Variants in GALNT13 observed in about 807,000 individuals in gnomAD.
GALNT13 encodes polypeptide N-acetylgalactosaminyltransferase 13.
A neutral mutation model predicts 64.2 loss-of-function variants in GALNT13; 28 were observed. The ratio of observed to expected loss-of-function variants is 0.44; its 90% confidence interval spans 0.32 to 0.60. The LOEUF (loss-of-function observed/expected upper bound fraction) is 0.60. GALNT13 is among the 20% of genes least tolerant of loss of function. The pLI is 0.05. For missense variants in GALNT13, 577 were observed against 669.8 expected, an observed-to-expected ratio of 0.86 and a Z score of 1.53; for synonymous variants, 214 against 224.6, an observed-to-expected ratio of 0.95 and a Z score of 0.42.
the GALNT13 span, among the ~76,000 whole-genome samples, chr2:153,463,061 C>G: frequency 6.6e-6 from 1 of 152,098 alleles, no homozygotes; most frequent in Non-Finnish European, 1.5e-5. Flanking sequence ...TAGCCTCACC[C>G]TCTTCACTTC....
At chr2:154,252,993 A>C (rs572906877) in intron 7 of GALNT13, among the ~76,000 whole-genome samples, 1 of 152,214 alleles carries the variant, frequency 6.6e-6, no homozygotes, top group Non-Finnish European at 1.5e-5. Context: ...GAAAACAATA[A>C]AAATGAAGCA....
chr2:153,817,247 A>C, the GALNT13 span, among the ~76,000 whole-genome samples: 1 of 152,222 alleles, frequency 6.6e-6, no homozygotes, highest in Non-Finnish European at 1.5e-5. Flanking sequence ...CCAAGTTCAG[A>C]GGTGGGTTTA....
At chr2:154,408,755 C>T (rs1270096327) in intron 10 of GALNT13, among the ~76,000 whole-genome samples, 1 of 151,922 alleles carries the variant, frequency 6.6e-6, no homozygotes, top group Non-Finnish European at 1.5e-5. Context: ...TGATTAGATG[C>T]CAATGCCAAT....
the GALNT13 span, among the ~76,000 whole-genome samples, chr2:153,577,293 A>G: frequency 1.2e-4 from 18 of 152,200 alleles, no homozygotes; most frequent in Non-Finnish European, 4.4e-5. Context: ...ACAGTTTGCT[A>G]ACAGTCTAAA....
chr2:153,674,645 G>C, the GALNT13 span, among the ~76,000 whole-genome samples: 1 of 152,120 alleles, frequency 6.6e-6, no homozygotes, highest in Non-Finnish European at 1.5e-5. Flanking sequence ...CATAGGCAAA[G>C]ACTTCATGAC....
chr2:153,710,629 C>G, the GALNT13 span, among the ~76,000 whole-genome samples: 1 of 152,022 alleles, frequency 6.6e-6, no homozygotes, highest in Non-Finnish European at 1.5e-5. Context: ...TAGAATATAG[C>G]TCCTAGAGAG....
chr2:153,641,178 T>A, the GALNT13 span, among the ~76,000 whole-genome samples: 1 of 152,146 alleles, frequency 6.6e-6, no homozygotes, highest in Non-Finnish European at 1.5e-5. Flanking sequence ...CTCTCCTTAA[T>A]TCTATGAGTT....
chr2:153,823,202 G>A, the GALNT13 span, among the ~76,000 whole-genome samples: 2 of 152,018 alleles, frequency 1.3e-5, no homozygotes, highest in Admixed American at 1.3e-4. Context: ...ATATTGCCCA[G>A]GACAATATAC....
chr2:154,399,153 G>A (rs1052566803), intron 10 of GALNT13, among the ~76,000 whole-genome samples: 2 of 152,092 alleles, frequency 1.3e-5, no homozygotes, highest in Non-Finnish European at 2.9e-5. Context: ...TGTGTTGGCA[G>A]GTGCCCATGG....
At chr2:153,176,404 T>G in the GALNT13 span, among the ~76,000 whole-genome samples, 2 of 152,108 alleles carry the variant, frequency 1.3e-5, no homozygotes, top group Non-Finnish European at 2.9e-5. Flanking sequence ...TCTGTTACAG[T>G]TACTAGAAGC....
At chr2:153,915,817 A>G (rs539025426) in intron 2 of GALNT13, among the ~76,000 whole-genome samples, 32 of 152,286 alleles carry the variant, frequency 2.1e-4, no homozygotes, top group African/African-American at 7.0e-4. Flanking sequence ...AAAAAAATGC[A>G]ATGACAAATG....
the GALNT13 span, among the ~76,000 whole-genome samples, chr2:153,541,234 G>T: frequency 1.3e-5 from 2 of 152,210 alleles, no homozygotes; most frequent in South Asian, 4.1e-4. Flanking sequence ...TCCCTCCTTT[G>T]CTCTGCACTT....
chr2:153,603,527 G>T, the GALNT13 span, among the ~76,000 whole-genome samples: 2 of 151,868 alleles, frequency 1.3e-5, no homozygotes, highest in Non-Finnish European at 2.9e-5. Flanking sequence ...TTTCATGTTG[G>T]AGTAGATGGG....
At chr2:153,896,624 T>A (rs577660382) in intron 1 of GALNT13, among the ~76,000 whole-genome samples, 1 of 152,156 alleles carries the variant, frequency 6.6e-6, no homozygotes, top group Admixed American at 6.6e-5. Flanking sequence ...TGTGTGCAGA[T>A]TTGTTATATA....
chr2:154,295,799 G>A (rs1692889188), intron 8 of GALNT13, among the ~76,000 whole-genome samples: 1 of 152,112 alleles, frequency 6.6e-6, no homozygotes, highest in African/African-American at 2.4e-5. Context: ...AGGGGTTTGT[G>A]GGTTGCCTTC....
At chr2:154,417,513 A>ATTTATTTT (rs1700069771) in intron 11 of GALNT13, among the ~76,000 whole-genome samples, 1 of 130,286 alleles carries the variant, frequency 7.7e-6, no homozygotes, top group Non-Finnish European at 1.6e-5. Context: ...TTATTTATTT[A>ATTTATTTT]TTTATTTATT....
At chr2:153,445,409 A>T in the GALNT13 span, among the ~76,000 whole-genome samples, 6 of 152,050 alleles carry the variant, frequency 3.9e-5, no homozygotes, top group Non-Finnish European at 8.8e-5. Context: ...ACATAGTCTC[A>T]CTCTGTCACC....
At chr2:153,697,288 G>T in the GALNT13 span, among the ~76,000 whole-genome samples, 1 of 151,970 alleles carries the variant, frequency 6.6e-6, no homozygotes, top group South Asian at 2.1e-4. Context: ...AAGATGTTTA[G>T]TCTATGTTTT....
chr2:153,963,535 C>T (rs1228883746), intron 3 of GALNT13, among the ~76,000 whole-genome samples: 1 of 152,088 alleles, frequency 6.6e-6, no homozygotes, highest in East Asian at 1.9e-4. Context: ...TTTCTATTCC[C>T]ATCAGCAATG....
Sources: allele counts gnomAD v4.1 joint callset (sites outside exome capture counted in the v4.1 genomes callset), GRCh38; gene constraint gnomAD v4.1.1; transcripts MANE v1.5; gene names NCBI Gene and HGNC (gene_info 2026-07-23, HGNC 2026-07-21).